CCDC7: variants seen among roughly 807,000 people sequenced by gnomAD.
The protein encoded by CCDC7 is coiled-coil domain-containing protein 7.
CCDC7 carries 183 observed loss-of-function variants against 196.9 expected under a neutral mutation model. The observed-to-expected ratio is 0.93, with a 90% confidence interval of 0.82 to 1.05. The LOEUF (loss-of-function observed/expected upper bound fraction) is 1.05. Ranked by LOEUF, CCDC7 falls within the 50% of genes least tolerant of loss-of-function variation. The probability of loss-of-function intolerance (pLI) is 0.00; values close to 1 mark genes in which losing one functional copy is unlikely to be tolerated. For synonymous variants in CCDC7, 525 were observed against 484.6 expected (o/e 1.08, Z -1.10); for missense variants, 1,540 against 1,482.2 (o/e 1.04, Z -0.64).
intron 11 of CCDC7, among the ~76,000 whole-genome samples, chr10:32,536,892 C>T (rs1025826899): frequency 6.6e-6 from 1 of 152,092 alleles, no homozygotes; most frequent in Non-Finnish European, 1.5e-5. Context: ...CTTTATCCAG[C>T]CCACCGTTGT....
intron 25 of CCDC7, 82 bp from the exon 27 acceptor site, chr10:32,726,652 C>A: frequency 1.3e-6 from 1 of 741,198 alleles, no homozygotes; most frequent in South Asian, 1.9e-5. Flanking sequence ...TTGTTATAAA[C>A]TTCAAATATA....
chr10:32,668,106 C>A (rs1234427961), intron 21 of CCDC7, among the ~76,000 whole-genome samples: 1 of 151,742 alleles, frequency 6.6e-6, no homozygotes, highest in South Asian at 2.1e-4. Flanking sequence ...GTTGGATTCC[C>A]AGGTGTTTTA....
intron 13 of CCDC7, among the ~76,000 whole-genome samples, chr10:32,547,042 A>G (rs764704475): frequency 1.3e-5 from 2 of 151,578 alleles, no homozygotes; most frequent in Non-Finnish European, 2.9e-5. Flanking sequence ...CTTCTTCTAC[A>G]GGGTCTCACT....
At chr10:32,761,572 A>T (rs1275509486) in intron 28 of CCDC7, among the ~76,000 whole-genome samples, 4 of 151,966 alleles carry the variant, frequency 2.6e-5, no homozygotes, top group Admixed American at 2.6e-4. Flanking sequence ...GAGCCACATA[A>T]TGACCTAAAA....
chr10:32,572,587 GTTTATA>G lies in CCDC7; in HGVS notation c.1454+702_1454+707del, dbSNP rs980638993. Among the ~76,000 whole-genome samples, 6 of 152,170 alleles carry G rather than the reference GTTTATA, an allele frequency of 3.9e-5. No homozygotes were observed. In the East Asian group the frequency reaches 5.8e-4, roughly 15 times the overall value. ...TTCATTTTAAATGTTTGTAGTGAAT[GTTTATA>G]TTTATATGTTTTAAATACTAACTAA... On this transcript the variant is annotated intron_variant, in intron 16 of 41. Transcript: ENST00000639629.
chr10:32,788,748 C>T (rs2082241963), intron 29 of CCDC7, among the ~76,000 whole-genome samples: 1 of 152,222 alleles, frequency 6.6e-6, no homozygotes, highest in Non-Finnish European at 1.5e-5. Flanking sequence ...TAAAGGTCCA[C>T]CCCTATACCA....
In CCDC7 at chr10:32,821,743, T is replaced by C. The variant is rs2090250222; in HGVS notation, c.3182-2775T>C. Among the ~76,000 whole-genome samples, 4 of 151,600 alleles carry C rather than the reference T, an allele frequency of 2.6e-5. 1 individual carries two copies. Among genetic ancestry groups the C allele is most frequent in the South Asian group, 2.1e-4 (1 of 4,808 alleles). On this transcript the variant is annotated intron_variant, in intron 31 of 41. Transcript: ENST00000639629. ...ACCAAACACCACATGTTCTCTCTCA[T>C]AGGTGGGAATTGAACAATGAGAACA...
At position 32,497,358 on chromosome 10, in the gene CCDC7, A is replaced by AT. The variant is rs575825877; in HGVS notation, c.872+5367dup. On this transcript the variant is annotated intron_variant, in intron 9 of 41. Transcript: ENST00000639629. ...AAAAAACCAGCTCCTGGATTCATTG[A>AT]TTTTTTGAAGGGCTTTTTGTGTCTC... Among the ~76,000 whole-genome samples, 19 of 152,164 alleles carry AT rather than the reference A, an allele frequency of 1.2e-4. No homozygotes were observed. The East Asian group carries it at 3.1e-3, about 25-fold the overall frequency.
At chr10:32,709,732 C>G (rs963343668) in intron 24 of CCDC7, among the ~76,000 whole-genome samples, 1 of 152,288 alleles carries the variant, frequency 6.6e-6, no homozygotes, top group East Asian at 1.9e-4. Flanking sequence ...GGCCTCGGTG[C>G]TGGGGACCCC....
At chr10:32,831,061 A>C (rs2092111425) in intron 32 of CCDC7, among the ~76,000 whole-genome samples, 1 of 152,186 alleles carries the variant, frequency 6.6e-6, no homozygotes, top group Non-Finnish European at 1.5e-5. Context: ...TACTTACACA[A>C]ACCTAGGTGG....
At chr10:32,707,901 G>T (rs1349831787) in intron 24 of CCDC7, among the ~76,000 whole-genome samples, 4 of 152,118 alleles carry the variant, frequency 2.6e-5, no homozygotes, top group Non-Finnish European at 5.9e-5. Context: ...ACTGCCCAAG[G>T]TAATTTATAG....
At chr10:32,714,372 G>C (rs2081281823) in intron 25 of CCDC7, among the ~76,000 whole-genome samples, 1 of 152,180 alleles carries the variant, frequency 6.6e-6, no homozygotes, top group Non-Finnish European at 1.5e-5. Context: ...ATCTGGCCCA[G>C]ATACTATGCT....
intron 30 of CCDC7, among the ~76,000 whole-genome samples, chr10:32,811,069 A>G (rs571819365): frequency 6.6e-6 from 1 of 152,190 alleles, no homozygotes; most frequent in East Asian, 1.9e-4. Context: ...AAGAGTAGAA[A>G]GATTTCAAAT....
At chr10:32,661,275 C>T in intron 20 of CCDC7, among the ~76,000 whole-genome samples, 1 of 148,846 alleles carries the variant, frequency 6.7e-6, no homozygotes, top group Non-Finnish European at 1.5e-5. Flanking sequence ...CAATGAGATA[C>T]CATCTCACAC....
intron 25 of CCDC7, among the ~76,000 whole-genome samples, chr10:32,726,176 T>C (rs2083090300): frequency 6.6e-6 from 1 of 152,130 alleles, no homozygotes; most frequent in African/African-American, 2.4e-5. Flanking sequence ...ATCCTGTTTT[T>C]AAGATTATTT....
At chr10:32,562,103 A>G (rs553988137) in intron 13 of CCDC7, among the ~76,000 whole-genome samples, 1 of 152,354 alleles carries the variant, frequency 6.6e-6, no homozygotes, top group South Asian at 2.1e-4. Flanking sequence ...TAAACCAGGA[A>G]GAAGTTGAAT....
exon 23 of CCDC7, chr10:32,689,107 C>T (rs769484846): frequency 2.5e-6 from 4 of 1,608,568 alleles, no homozygotes; most frequent in South Asian, 1.1e-5. Context: ...GACTCAATGT[C>T]AAAATCAGAA....
intron 28 of CCDC7, among the ~76,000 whole-genome samples, chr10:32,776,314 G>T (rs559113920): frequency 6.6e-6 from 1 of 151,878 alleles, no homozygotes; most frequent in Admixed American, 6.6e-5. Context: ...GCTTCTTTGG[G>T]GAATTTAGAA....
intron 40 of CCDC7, among the ~76,000 whole-genome samples, chr10:32,852,402 A>T (rs979034347): frequency 6.6e-6 from 1 of 152,166 alleles, no homozygotes; most frequent in African/African-American, 2.4e-5. Flanking sequence ...AAGAACTAAG[A>T]TTCGATTCTT....
Sources: allele counts gnomAD v4.1 joint callset (sites outside exome capture counted in the v4.1 genomes callset), GRCh38; gene constraint gnomAD v4.1.1; transcripts MANE v1.5; gene names NCBI Gene and HGNC (gene_info 2026-07-23, HGNC 2026-07-21).